Variants in PTPRN2 observed in about 807,000 individuals in gnomAD.
PTPRN2 encodes the protein receptor-type tyrosine-protein phosphatase N2.
A neutral mutation model predicts 118.8 loss-of-function variants in PTPRN2; 74 were observed. The ratio of observed to expected loss-of-function variants is 0.62; its 90% CI spans 0.52 to 0.76. The LOEUF (loss-of-function observed/expected upper bound fraction) is 0.76, where lower values mean the gene tolerates loss of function less well. PTPRN2 is among the 30% of genes least tolerant of loss of function. The probability of loss-of-function intolerance (pLI) is 0.00; values close to 1 mark genes in which losing one functional copy is unlikely to be tolerated. For missense variants in PTPRN2, 1,481 were observed against 1,394.4 expected (o/e 1.06, Z -0.99); for synonymous variants, 641 against 608.0 (o/e 1.05, Z -0.80).
chr7:157,971,985 C>G lies in PTPRN2; in HGVS notation c.1724-73248G>C, dbSNP rs377761749. 1.8e-3 allele frequency among the ~76,000 whole-genome samples: 268 copies of G among 152,328 alleles called. 11 individuals carry two copies. In the South Asian group the frequency reaches 0.054, roughly 31 times the overall value. Reference sequence around the variant, plus strand: ...AGTGAGAACTATGAAAGCAGAGAGTCCTATGCAAACTTATATCAAGGTATG... The same window carrying G: ...AGTGAGAACTATGAAAGCAGAGAGTGCTATGCAAACTTATATCAAGGTATG... On this transcript the variant is annotated intron_variant, in intron 11 of 22. Transcript: ENST00000389418.
At chr7:158,213,999 T>C (rs1463070114) in intron 3 of PTPRN2, among the ~76,000 whole-genome samples, 2 of 152,146 alleles carry the variant, frequency 1.3e-5, no homozygotes, top group East Asian at 1.9e-4. Context: ...CTCAGAATCA[T>C]CTGTACTGGG....
chr7:157,809,710 G>C (rs539782628), intron 12 of PTPRN2, among the ~76,000 whole-genome samples: 1 of 152,170 alleles, frequency 6.6e-6, no homozygotes, highest in Non-Finnish European at 1.5e-5. Flanking sequence ...GCCACAGAGA[G>C]TCGCCCGAGA....
chr7:157,911,810 C>G (rs952590341), intron 11 of PTPRN2, among the ~76,000 whole-genome samples: 1 of 151,706 alleles, frequency 6.6e-6, no homozygotes, highest in African/African-American at 2.4e-5. Context: ...AAACAAAATA[C>G]TGCATAAGAT....
At chr7:158,272,111 A>T (rs34823841) in intron 3 of PTPRN2, among the ~76,000 whole-genome samples, 1 of 152,200 alleles carries the variant, frequency 6.6e-6, no homozygotes, top group African/African-American at 2.4e-5. Context: ...CAACGTGAAA[A>T]TGATCACAGG....
intron 9 of PTPRN2, among the ~76,000 whole-genome samples, chr7:158,131,638 T>C (rs1246076872): frequency 3.7e-5 from 5 of 135,632 alleles, no homozygotes; most frequent in African/African-American, 2.9e-5. Context: ...TACACACTCA[T>C]ACACACATGC....
chr7:157,672,517 G>A lies in PTPRN2; in HGVS notation c.2001+10208C>T, dbSNP rs143053375. Among the ~76,000 whole-genome samples, 822 of 152,224 alleles carry A rather than the reference G, an allele frequency of 5.4e-3. 22 individuals carry two copies. In the South Asian group the frequency reaches 0.078, roughly 14 times the overall value. On this transcript the variant is annotated intron_variant, in intron 13 of 22. Transcript: ENST00000389418. ...CATCCGATCTCTGGTTTCAGGGTGC[G>A]TTTTACAGGCCAGGAAAGGTGATTC...
intron 11 of PTPRN2, among the ~76,000 whole-genome samples, chr7:158,013,124 A>C (rs2128870025): frequency 6.6e-6 from 1 of 152,292 alleles, no homozygotes; most frequent in Admixed American, 6.5e-5. Context: ...ATCAACCATA[A>C]AGGAGAAAAG....
At position 157,929,965 on chromosome 7, in the gene PTPRN2, G is replaced by A. The variant is rs1799264384; in HGVS notation, c.1724-31228C>T. ...ATCAGCGGGTCCAAGCCTGGACCTA[G>A]ACACCCGTCCCAGCTCAGACGCTCA... On this transcript the variant is annotated intron_variant, in intron 11 of 22. Coordinates refer to ENST00000389418, the MANE Select transcript of PTPRN2 (RefSeq NM_002847.5). The surrounding 1 kb of genome is among the most constrained non-coding windows in gnomAD (Gnocchi z 4.4). 6.6e-6 allele frequency among the ~76,000 whole-genome samples: 1 copy of A among 152,198 alleles called. No individual in the cohort carries two copies. Among genetic ancestry groups the A allele is most frequent in the Non-Finnish European group, 1.5e-5 (1 of 68,036 alleles).
intron 12 of PTPRN2, among the ~76,000 whole-genome samples, chr7:157,699,843 A>G (rs1200080919): frequency 6.6e-6 from 1 of 152,212 alleles, no homozygotes. Context: ...CAAGTGGCCA[A>G]CTGCATGGAG....
rs746893023 is a variant in PTPRN2 at position 157,596,183 on chromosome 7, G to A, written c.2419-868C>T. Among the ~76,000 whole-genome samples the A allele has an allele frequency of 5.3e-4, 80 of 152,354 alleles. No homozygotes were observed. The highest frequency in any genetic ancestry group is 1.0e-3 in the Non-Finnish European group (68 of 68,040). Reference sequence around the variant, plus strand: ...CAGCGTCCTGGGAGAACGAACTAGCGCTACCTGCTGCTTCCCTGCTGGAGT... The same window carrying A: ...CAGCGTCCTGGGAGAACGAACTAGCACTACCTGCTGCTTCCCTGCTGGAGT... On this transcript the variant is annotated intron_variant, in intron 16 of 22. Coordinates refer to ENST00000389418, the MANE Select transcript of PTPRN2 (RefSeq NM_002847.5). This position sits in a 1 kb window ranked among gnomAD's most constrained non-coding sequence, Gnocchi z 4.2.
chr7:158,167,596 G>A (rs1823147093), intron 5 of PTPRN2, among the ~76,000 whole-genome samples: 1 of 152,204 alleles, frequency 6.6e-6, no homozygotes, highest in African/African-American at 2.4e-5. Flanking sequence ...TGTATTCAGA[G>A]TTGTGAGACA....
chr7:158,269,570 T>G (rs1200538796), intron 3 of PTPRN2, among the ~76,000 whole-genome samples: 1 of 152,118 alleles, frequency 6.6e-6, no homozygotes, highest in African/African-American at 2.4e-5. Flanking sequence ...TTCAAGTCCC[T>G]GGGGTGGGTA....
At chr7:158,540,890 C>T (rs1825950733) in intron 1 of PTPRN2, among the ~76,000 whole-genome samples, 3 of 152,236 alleles carry the variant, frequency 2.0e-5, no homozygotes, top group African/African-American at 7.2e-5. Context: ...CTGGTAACAA[C>T]GTGTGCCACG....
chr7:158,081,422 C>T (rs1423304631), intron 10 of PTPRN2, 45 bp from the exon 11 acceptor site: 2 of 1,557,942 alleles, frequency 1.3e-6, no homozygotes, highest in African/African-American at 2.7e-5. Context: ...AGTCTACGCG[C>T]CACACCGCTT....
intron 13 of PTPRN2, among the ~76,000 whole-genome samples, chr7:157,672,337 G>A (rs1796457726): frequency 6.6e-6 from 1 of 152,118 alleles, no homozygotes; most frequent in Non-Finnish European, 1.5e-5. Context: ...TTAACAATTT[G>A]TATATTTGTT....
rs1489924445 is a variant in PTPRN2, at chr7:157,964,632, C to A, written c.1724-65895G>T. Reference sequence around the variant, plus strand: ...TTGAGTCTGTCTCACGCCATTAACACCCTGTGATGGCCTTACTTGGCGTGT... The same window carrying A: ...TTGAGTCTGTCTCACGCCATTAACAACCTGTGATGGCCTTACTTGGCGTGT... On this transcript the variant is annotated intron_variant, in intron 11 of 22. Coordinates refer to ENST00000389418, the MANE Select transcript of PTPRN2 (RefSeq NM_002847.5). This position sits in a 1 kb window ranked among gnomAD's most constrained non-coding sequence, Gnocchi z 9.0. Among the ~76,000 whole-genome samples, 1 of 152,210 alleles carries A rather than the reference C, an allele frequency of 6.6e-6. No homozygotes were observed. The highest frequency in any genetic ancestry group is 2.4e-5 in the African/African-American group (1 of 41,446).
chr7:158,262,314 G>C (rs1175375999), intron 3 of PTPRN2, among the ~76,000 whole-genome samples: 2 of 146,988 alleles, frequency 1.4e-5, no homozygotes, highest in Non-Finnish European at 3.0e-5. Context: ...TTCACACACT[G>C]CACACACATT....
rs982497465 is a variant in PTPRN2, at chr7:157,596,306, C to T, written c.2419-991G>A. The stretch of plus-strand genomic sequence containing the variant: ...GCCTGGGTCTGTGGCAGAGCCGGGG[C>T]GGAAGGGCCTTGCTGGGAGTGGCCT... On this transcript the variant is annotated intron_variant, in intron 16 of 22. Coordinates refer to ENST00000389418, the MANE Select transcript of PTPRN2 (RefSeq NM_002847.5). This position sits in a 1 kb window ranked among gnomAD's most constrained non-coding sequence, Gnocchi z 4.2. Among the ~76,000 whole-genome samples the T allele has an allele frequency of 1.3e-5, 2 of 152,146 alleles. No homozygotes were observed. The highest frequency in any genetic ancestry group is 6.5e-5 in the Admixed American group (1 of 15,270).
intron 12 of PTPRN2, among the ~76,000 whole-genome samples, chr7:157,855,657 C>T (rs1007960861): frequency 3.9e-5 from 6 of 152,124 alleles, no homozygotes; most frequent in Admixed American, 6.5e-5. Context: ...CACATCCCGG[C>T]GGGAGCGTTA....
Sources: allele counts gnomAD v4.1 joint callset (sites outside exome capture counted in the v4.1 genomes callset), GRCh38; gene constraint gnomAD v4.1.1; non-coding constraint Gnocchi (gnomAD v3.1); transcripts MANE v1.5; gene names NCBI Gene and HGNC (gene_info 2026-07-23, HGNC 2026-07-21).